PPFIA1: variants seen among roughly 807,000 people sequenced by gnomAD.
The protein encoded by PPFIA1 is liprin-alpha-1.
PPFIA1 carries 25 observed loss-of-function variants against 149.9 expected under a neutral mutation model. That is an observed-to-expected ratio of 0.17 (90% CI 0.12 to 0.23). The LOEUF is 0.23. PPFIA1 is among the 10% of genes least tolerant of loss of function. The probability of loss-of-function intolerance (pLI) is 1.00; values close to 1 mark genes in which losing one functional copy is unlikely to be tolerated. For missense variants in PPFIA1, 1,362 were observed against 1,506.5 expected, an observed-to-expected ratio of 0.90 and a Z score of 1.59; for synonymous variants, 549 against 552.8, an observed-to-expected ratio of 0.99 and a Z score of 0.10.
rs536150988 is a variant in PPFIA1, at chr11:70,309,037, C to T, written c.265-15365C>T. ...ATTTTGTTGGTTTGATTCTGCCCCT[C>T]CCCTCAGGCTGTTTAAACATGTTAA... On this transcript the variant is annotated intron_variant, in intron 2 of 27. Transcript: ENST00000253925. Among the ~76,000 whole-genome samples, 3 of 152,156 alleles carry T rather than the reference C, an allele frequency of 2.0e-5. No individual in the cohort carries two copies. The East Asian group carries it at 5.8e-4, about 29-fold the overall frequency.
chr11:70,339,931 G>T (rs932979353), intron 14 of PPFIA1, among the ~76,000 whole-genome samples: 2 of 151,656 alleles, frequency 1.3e-5, no homozygotes, highest in African/African-American at 4.8e-5. Context: ...CAGAAGAATC[G>T]CTTGAACCCG....
Position 70,372,549 on chromosome 11 carries a change from A to C in PPFIA1, c.3114A>C (p.Arg1038Ser). 1.2e-6 allele frequency: 2 copies of C among 1,612,972 alleles called. No homozygotes were observed. The highest frequency in any genetic ancestry group is 1.7e-6 in the Non-Finnish European group (2 of 1,179,148). ...ACCGGAAAGAACTGGAAAGAAAAAG[A>C]GAAGAAAGTCAGAGTGAAATAAAAG... ...NYDRKELERK[R>S]EESQSEIKDV... The change falls in exon 23 of 28, where the codon AGA becomes AGC. Residue 1038 changes from arginine (R) to serine (S), a missense_variant. Physicochemically the swap from Arg to Ser is moderately radical, Grantham distance 110. This residue lies in a region of PPFIA1 where 349 missense variants were observed against 373.3 expected (regional missense o/e 0.93). Coordinates refer to ENST00000253925, the MANE Select transcript of PPFIA1 (RefSeq NM_003626.5).
At chr11:70,378,442 G>A (rs898444973) in intron 26 of PPFIA1, 1 of 1,235,528 alleles carries the variant, frequency 8.1e-7, no homozygotes, top group African/African-American at 1.5e-5. Context: ...AACTAATAAA[G>A]CTCAGTATTC....
At chr11:70,379,934 G>A (rs6592554) in intron 26 of PPFIA1, among the ~76,000 whole-genome samples, 27,077 of 152,122 alleles carry the variant, frequency 0.18, 3,176 homozygotes, top group African/African-American at 0.32. Context: ...CAAGAGTCAT[G>A]CATATAATTC....
At chr11:70,314,104 C>G (rs537402336) in intron 2 of PPFIA1, among the ~76,000 whole-genome samples, 2 of 152,302 alleles carry the variant, frequency 1.3e-5, no homozygotes, top group Non-Finnish European at 2.9e-5. Context: ...GGCAGGCACA[C>G]TGCATAGGGT....
At position 70,297,166 on chromosome 11, in the gene PPFIA1, T is replaced by C. The variant is rs182082304; in HGVS notation, c.264+24730T>C. On this transcript the variant is annotated intron_variant, in intron 2 of 27. Coordinates refer to ENST00000253925, the MANE Select transcript of PPFIA1 (RefSeq NM_003626.5). ...CTCACGCTTCAGGCTCCCAGCACTT[T>C]GGGAGGCTGAGGTGGAAGGATCACT... Among the ~76,000 whole-genome samples the C allele has an allele frequency of 4.5e-4, 69 of 152,212 alleles. No individual in the cohort carries two copies. In the Middle Eastern group the frequency reaches 0.017, roughly 38 times the overall value.
chr11:70,376,830 C>T (rs572569057), intron 25 of PPFIA1, among the ~76,000 whole-genome samples: 3 of 152,232 alleles, frequency 2.0e-5, no homozygotes, highest in Admixed American at 6.5e-5. Context: ...CCAGCACTTT[C>T]GGAGGCTGAG....
intron 2 of PPFIA1, among the ~76,000 whole-genome samples, chr11:70,319,728 G>A (rs1164769963): frequency 6.6e-6 from 1 of 152,166 alleles, no homozygotes; most frequent in Non-Finnish European, 1.5e-5. Context: ...GCTGTGTGCT[G>A]TTGTTCTCTG....
intron 2 of PPFIA1, among the ~76,000 whole-genome samples, chr11:70,322,103 T>C (rs2053978103): frequency 6.6e-6 from 1 of 152,184 alleles, no homozygotes; most frequent in Non-Finnish European, 1.5e-5. Flanking sequence ...GGACTCGAAC[T>C]CCCGACCTCA....
intron 14 of PPFIA1, among the ~76,000 whole-genome samples, chr11:70,340,236 G>T (rs979317168): frequency 1.3e-5 from 2 of 151,986 alleles, no homozygotes; most frequent in Non-Finnish European, 2.9e-5. Flanking sequence ...GAGCCCAGGA[G>T]ATTGAGACCA....
At chr11:70,326,387 A>C (rs1173126637) in intron 6 of PPFIA1, 24 bp downstream of exon 6, 1 of 1,528,140 alleles carries the variant, frequency 6.5e-7, no homozygotes, top group Non-Finnish European at 9.0e-7. Flanking sequence ...CTTTGTCTTT[A>C]TTCTGTTTGA....
intron 2 of PPFIA1, among the ~76,000 whole-genome samples, chr11:70,275,168 T>C (rs1017250808): frequency 2.6e-5 from 4 of 152,188 alleles, no homozygotes; most frequent in African/African-American, 9.7e-5. Flanking sequence ...CTCAGTATGG[T>C]CTGAATTTGC....
intron 11 of PPFIA1, among the ~76,000 whole-genome samples, chr11:70,336,845 T>C (rs988593381): frequency 1.3e-5 from 2 of 152,152 alleles, no homozygotes; most frequent in Non-Finnish European, 2.9e-5. Context: ...GTTGTTAGGA[T>C]TGGGGTCTGC....
chr11:70,367,364 G>A (rs765405004), intron 21 of PPFIA1: 29 of 361,380 alleles, frequency 8.0e-5, no homozygotes, highest in Non-Finnish European at 1.3e-4. Flanking sequence ...ACATCAAGGC[G>A]TGGTCAAAAC....
At chr11:70,304,670 A>T (rs2052725724) in intron 2 of PPFIA1, among the ~76,000 whole-genome samples, 1 of 152,064 alleles carries the variant, frequency 6.6e-6, no homozygotes, top group African/African-American at 2.4e-5. Flanking sequence ...TGTGGGACTG[A>T]GCCTTACCCT....
chr11:70,379,181 G>A (rs1372876612), intron 26 of PPFIA1, among the ~76,000 whole-genome samples: 1 of 152,126 alleles, frequency 6.6e-6, no homozygotes, highest in African/African-American at 2.4e-5. Flanking sequence ...GCTCACTTCT[G>A]AGGCCAGTGA....
At chr11:70,278,915 G>A (rs2050574983) in intron 2 of PPFIA1, 1 of 594,482 alleles carries the variant, frequency 1.7e-6, no homozygotes, top group African/African-American at 1.9e-5. Context: ...GCAGCCTTTA[G>A]ACAGTCTGCT....
At chr11:70,326,156 A>G (rs915961266) in intron 5 of PPFIA1, 106 bp from the exon 6 acceptor site, 58 of 661,040 alleles carry the variant, frequency 8.8e-5, no homozygotes, top group Non-Finnish European at 7.6e-5. Context: ...CTTTTATACT[A>G]TGTTAAGCAG....
intron 10 of PPFIA1, among the ~76,000 whole-genome samples, chr11:70,335,236 T>C (rs1357850361): frequency 6.6e-6 from 1 of 152,200 alleles, no homozygotes; most frequent in Non-Finnish European, 1.5e-5. Context: ...TCTACCAGCG[T>C]GGAGACAGGC....
Sources: allele counts gnomAD v4.1 joint callset (sites outside exome capture counted in the v4.1 genomes callset), GRCh38; gene constraint gnomAD v4.1.1; regional missense constraint gnomAD v4.1.1; transcripts MANE v1.5; gene names NCBI Gene and HGNC (gene_info 2026-07-23, HGNC 2026-07-21).